Variants in FGD4 observed in about 807,000 individuals in gnomAD.
FGD4 encodes the protein FYVE, RhoGEF and PH domain containing 4.
FGD4 carries 42 observed loss-of-function variants against 102.0 expected under a neutral mutation model. The ratio of observed to expected loss-of-function variants is 0.41; its 90% CI spans 0.32 to 0.53. FGD4 has a LOEUF of 0.53. Ranked by LOEUF, FGD4 falls within the 20% of genes least tolerant of loss-of-function variation. The pLI, the probability that FGD4 is intolerant of heterozygous loss-of-function variation, is 0.21. For synonymous variants in FGD4, 380 were observed against 375.7 expected, an observed-to-expected ratio of 1.01 and a Z score of -0.13; for missense variants, 902 against 1,078.2, an observed-to-expected ratio of 0.84 and a Z score of 2.29.
intron 15 of FGD4, among the ~76,000 whole-genome samples, chr12:32,637,042 T>TTTC (rs1565937602): frequency 2.0e-5 from 2 of 100,618 alleles, no homozygotes; most frequent in African/African-American, 8.7e-5. Flanking sequence ...GGCTAATTTT[T>TTTC]TTCTTCTTTT....
chr12:32,434,477 C>T lies in FGD4; in HGVS notation c.166+34518C>T, dbSNP rs776173224. Reference sequence around the variant, plus strand: ...TCAAGTTGGATAAATTTTGTACACACGAAAAATAAGTTTGAATTTGTAGGC... The same window carrying T: ...TCAAGTTGGATAAATTTTGTACACATGAAAAATAAGTTTGAATTTGTAGGC... On this transcript the variant is annotated intron_variant, in intron 1 of 16. Coordinates refer to ENST00000534526, the MANE Select transcript of FGD4 (RefSeq NM_001370298.3). 1.1e-3 allele frequency among the ~76,000 whole-genome samples: 160 copies of T among 152,242 alleles called. 1 individual carries two copies. Among genetic ancestry groups the T allele is most frequent in the South Asian group, 1.0e-3 (5 of 4,832 alleles).
At chr12:32,569,051 A>G (rs73305548) in intron 2 of FGD4, among the ~76,000 whole-genome samples, 1,538 of 152,296 alleles carry the variant, frequency 0.01, 28 homozygotes, top group African/African-American at 0.035. Flanking sequence ...TCCTTCTGGT[A>G]GTTGAGACCC....
At chr12:32,541,991 C>T (rs566138948) in intron 1 of FGD4, among the ~76,000 whole-genome samples, 3 of 152,088 alleles carry the variant, frequency 2.0e-5, no homozygotes, top group East Asian at 1.9e-4. Flanking sequence ...CCCAGATAAA[C>T]ATCACCTTGC....
intron 2 of FGD4, among the ~76,000 whole-genome samples, chr12:32,570,584 G>A (rs1219489848): frequency 6.6e-6 from 1 of 152,022 alleles, no homozygotes; most frequent in East Asian, 1.9e-4. Flanking sequence ...TGGGATTACA[G>A]GCATGTGCCA....
intron 1 of FGD4, among the ~76,000 whole-genome samples, chr12:32,402,516 T>C (rs1021416627): frequency 2.0e-5 from 3 of 151,952 alleles, no homozygotes; most frequent in African/African-American, 7.3e-5. Context: ...GGTACAATCG[T>C]AGCTCACTAT....
chr12:32,500,190 A>G (rs1457562882), intron 1 of FGD4, among the ~76,000 whole-genome samples: 1 of 152,138 alleles, frequency 6.6e-6, no homozygotes, highest in Non-Finnish European at 1.5e-5. Context: ...CCAAGGGCAA[A>G]GAGCATAAGT....
chr12:32,531,595 G>A (rs1941825970), intron 1 of FGD4, among the ~76,000 whole-genome samples: 1 of 152,186 alleles, frequency 6.6e-6, no homozygotes, highest in Admixed American at 6.5e-5. Flanking sequence ...GCACATGCAG[G>A]TATCTTTGTT....
At chr12:32,508,927 C>T (rs1193348433) in intron 1 of FGD4, among the ~76,000 whole-genome samples, 1 of 152,244 alleles carries the variant, frequency 6.6e-6, no homozygotes, top group Non-Finnish European at 1.5e-5. Flanking sequence ...TGCGCACACA[C>T]TATCACACAC....
Position 32,502,248 on chromosome 12 carries a change from T to C in FGD4, c.167-61889T>C, listed in dbSNP as rs925579179. On this transcript the variant is annotated intron_variant, in intron 1 of 16. Transcript: ENST00000534526. ...CAATGGACCGGGTTAATGGGAGGCT[T>C]GCTTTGGCTCGCTGGAAGAACAAAT... The C allele has an allele frequency of 5.1e-6, 5 of 985,348 alleles. No homozygotes were observed. In the African/African-American group the frequency reaches 8.7e-5, roughly 17 times the overall value. 61.0% of individuals were successfully genotyped at this position (985,348 alleles called of 1,614,324 possible).
In FGD4 at chr12:32,546,397, C is replaced by T. The variant is rs182984252; in HGVS notation, c.167-17740C>T. ...CTTCTAATGCAAAACACATATTGAC[C>T]TGACAACAGGGCCCTCAGTTGTGGT... is the stretch of plus-strand genomic sequence containing the variant. On this transcript the variant is annotated intron_variant, in intron 1 of 16. Coordinates refer to ENST00000534526, the MANE Select transcript of FGD4 (RefSeq NM_001370298.3). Among the ~76,000 whole-genome samples the T allele has an allele frequency of 4.6e-5, 7 of 152,332 alleles. No individual in the cohort carries two copies. The East Asian group carries it at 1.2e-3, about 25-fold the overall frequency.
chr12:32,562,571 G>GT (rs1944706826), intron 1 of FGD4, among the ~76,000 whole-genome samples: 2 of 152,190 alleles, frequency 1.3e-5, no homozygotes, highest in African/African-American at 4.8e-5. Flanking sequence ...CTTCCGCAGT[G>GT]TTTGTGTCCC....
intron 1 of FGD4, among the ~76,000 whole-genome samples, chr12:32,421,858 A>C (rs1941637092): frequency 6.6e-6 from 1 of 152,140 alleles, no homozygotes; most frequent in Non-Finnish European, 1.5e-5. Flanking sequence ...ATGAGACTAT[A>C]GGCCGGGCGC....
chr12:32,534,225 C>A, intron 1 of FGD4: 1 of 1,060,152 alleles, frequency 9.4e-7, no homozygotes, highest in Non-Finnish European at 1.2e-6. Flanking sequence ...CACTCCCTCT[C>A]ATGCAATGTA....
chr12:32,539,678 C>T (rs1942643025), intron 1 of FGD4, among the ~76,000 whole-genome samples: 1 of 151,196 alleles, frequency 6.6e-6, no homozygotes, highest in South Asian at 2.1e-4. Context: ...GGAAATTGAC[C>T]TGCATTTTAA....
chr12:32,464,965 C>T (rs971128822), intron 1 of FGD4, among the ~76,000 whole-genome samples: 1 of 152,090 alleles, frequency 6.6e-6, no homozygotes, highest in African/African-American at 2.4e-5. Flanking sequence ...GCTGTTCTAC[C>T]TACAACTCCA....
At chr12:32,478,325 C>T (rs903350427) in intron 1 of FGD4, among the ~76,000 whole-genome samples, 1 of 152,128 alleles carries the variant, frequency 6.6e-6, no homozygotes, top group Admixed American at 6.5e-5. Flanking sequence ...TGGAGTGCCA[C>T]GATCTCGGCT....
At chr12:32,596,706 C>T (rs943961305) in intron 4 of FGD4, among the ~76,000 whole-genome samples, 2 of 151,556 alleles carry the variant, frequency 1.3e-5, no homozygotes, top group African/African-American at 2.4e-5. Flanking sequence ...GGGGCTGAGG[C>T]GGGCGGATCA....
chr12:32,499,182 A>G (rs1204406059), intron 1 of FGD4, among the ~76,000 whole-genome samples: 3 of 152,210 alleles, frequency 2.0e-5, no homozygotes, highest in Non-Finnish European at 4.4e-5. Flanking sequence ...ATTCAAGGCA[A>G]AGTTGCCGCC....
chr12:32,400,003 G>C lies in FGD4; in HGVS notation c.166+44G>C, dbSNP rs1385823331. The C allele has an allele frequency of 5.6e-6, 8 of 1,421,820 alleles. No individual in the cohort carries two copies. In the South Asian group the frequency reaches 1.2e-4, roughly 21 times the overall value. 88.1% of individuals were successfully genotyped at this position (1,421,820 alleles called of 1,614,324 possible). A position where few individuals can be genotyped will look rare whatever the true frequency, so the allele number is the denominator to read the frequency against. On this transcript the variant is annotated intron_variant, in intron 1 of 16. Coordinates refer to ENST00000534526, the MANE Select transcript of FGD4 (RefSeq NM_001370298.3). The stretch of plus-strand genomic sequence containing the variant: ...GGGGGAAGGGTGGCCCCGGCGCGTA[G>C]GTGCGGGTGAGGGGCGCTCCCAGCG...
Sources: gnomAD v4.1 joint callset for allele counts (sites outside exome capture counted in the v4.1 genomes callset) on GRCh38, gnomAD v4.1.1 for gene constraint, MANE v1.5 for transcripts, NCBI Gene and HGNC (gene_info 2026-07-23, HGNC 2026-07-21) for gene names.